ARMH4: variants seen among roughly 807,000 people sequenced by gnomAD.
ARMH4 encodes the protein armadillo-like helical domain-containing protein 4.
ARMH4 carries 49 observed loss-of-function variants against 61.9 expected under a neutral mutation model. The observed-to-expected ratio is 0.79, with a 90% CI of 0.63 to 1.00. The LOEUF (loss-of-function observed/expected upper bound fraction) is 1.00. ARMH4 is among the 50% of genes least tolerant of loss of function. ARMH4 has a pLI of 0.00. For missense variants in ARMH4, 934 were observed against 930.0 expected, an observed-to-expected ratio of 1.00 and a Z score of -0.06; for synonymous variants, 368 against 341.5, an observed-to-expected ratio of 1.08 and a Z score of -0.85.
intron 5 of ARMH4, among the ~76,000 whole-genome samples, chr14:58,089,083 T>A (rs1193370800): frequency 6.6e-6 from 1 of 152,188 alleles, no homozygotes; most frequent in Admixed American, 6.5e-5. Context: ...ATCTGGGGGC[T>A]TTAGCCAATC....
chr14:58,137,237 T>C (rs763223173), intron 2 of ARMH4, among the ~76,000 whole-genome samples: 1 of 152,188 alleles, frequency 6.6e-6, no homozygotes, highest in Non-Finnish European at 1.5e-5. Flanking sequence ...CTACGTAGTC[T>C]AAGATATTTA....
intron 1 of ARMH4, among the ~76,000 whole-genome samples, chr14:58,145,065 T>G (rs1161120061): frequency 6.6e-6 from 1 of 152,200 alleles, no homozygotes; most frequent in Non-Finnish European, 1.5e-5. Flanking sequence ...AAACAAATAC[T>G]TTTTCTATTC....
chr14:58,064,981 T>C (rs1884656085), intron 5 of ARMH4, among the ~76,000 whole-genome samples: 1 of 152,170 alleles, frequency 6.6e-6, no homozygotes, highest in Non-Finnish European at 1.5e-5. Flanking sequence ...TGGTGGTTTA[T>C]GCCTGTAATC....
At chr14:58,077,009 T>C (rs1885068193) in intron 5 of ARMH4, among the ~76,000 whole-genome samples, 1 of 152,154 alleles carries the variant, frequency 6.6e-6, no homozygotes, top group African/African-American at 2.4e-5. Flanking sequence ...TAATCTTGCT[T>C]AGCTTGGCCC....
At chr14:58,122,101 T>C (rs989825746) in intron 4 of ARMH4, among the ~76,000 whole-genome samples, 1 of 152,188 alleles carries the variant, frequency 6.6e-6, no homozygotes, top group African/African-American at 2.4e-5. Flanking sequence ...AAGCCAATAC[T>C]CGTGCCCATT....
intron 5 of ARMH4, among the ~76,000 whole-genome samples, chr14:58,012,537 C>T (rs555683750): frequency 1.6e-3 from 245 of 152,134 alleles, no homozygotes; most frequent in African/African-American, 5.7e-3. Context: ...GGGAATGCTG[C>T]GCTTGAATCA....
intron 4 of ARMH4, among the ~76,000 whole-genome samples, chr14:58,108,648 C>A (rs746398291): frequency 6.6e-6 from 1 of 152,110 alleles, no homozygotes; most frequent in East Asian, 1.9e-4. Flanking sequence ...AGGAAGATTT[C>A]GGGTATTTGG....
intron 5 of ARMH4, among the ~76,000 whole-genome samples, chr14:58,075,681 C>T (rs1466664629): frequency 6.6e-6 from 1 of 152,116 alleles, no homozygotes; most frequent in Non-Finnish European, 1.5e-5. Context: ...CAGCAAACCA[C>T]TATGGCACAT....
At chr14:58,015,555 A>G (rs936241941) in intron 5 of ARMH4, among the ~76,000 whole-genome samples, 3 of 152,224 alleles carry the variant, frequency 2.0e-5, no homozygotes, top group Admixed American at 2.0e-4. Flanking sequence ...CTTTCAGAAA[A>G]TATTTATTTA....
At chr14:58,139,804 ACATT>A (rs1425864003) in intron 1 of ARMH4, among the ~76,000 whole-genome samples, 1 of 152,268 alleles carries the variant, frequency 6.6e-6, no homozygotes, top group Non-Finnish European at 1.5e-5. Context: ...TAAGTCTTAC[ACATT>A]CATTCAAATA....
chr14:58,145,412 A>G (rs1270342174), intron 1 of ARMH4, among the ~76,000 whole-genome samples: 4 of 152,246 alleles, frequency 2.6e-5, no homozygotes, highest in Non-Finnish European at 5.9e-5. Flanking sequence ...GTTGCCATCA[A>G]CTAGGAAAGG....
chr14:58,147,991 T>C (rs1345742231), intron 1 of ARMH4, among the ~76,000 whole-genome samples: 1 of 152,196 alleles, frequency 6.6e-6, no homozygotes, highest in Non-Finnish European at 1.5e-5. Context: ...AACACCATCA[T>C]CAGTCACATA....
intron 5 of ARMH4, among the ~76,000 whole-genome samples, chr14:58,089,887 T>TGAGAC (rs1566574871): frequency 6.6e-6 from 1 of 152,224 alleles, no homozygotes; most frequent in Non-Finnish European, 1.5e-5. Context: ...CTCACATTTA[T>TGAGAC]GAGACCACAC....
rs1594754524 is a variant in ARMH4, at chr14:58,096,920, CTCATCTTCCTCTTCT to C, written c.1878_1892del (p.Glu629_Glu633del). On this transcript the variant is annotated inframe_deletion, in exon 5 of 8. Coordinates refer to ENST00000267485, the MANE Select transcript of ARMH4 (RefSeq NM_001001872.4). Reference sequence around the variant, plus strand: ...CATCTTTATCTTCCTCATCTTCTTCCTCATCTTCCTCTTCTTCATCTTCATCTTCTTCATCCTCTT... The same window carrying C: ...CATCTTTATCTTCCTCATCTTCTTCCTCATCTTCATCTTCTTCATCCTCTT... 1 of 1,614,024 alleles carries C rather than the reference CTCATCTTCCTCTTCT, an allele frequency of 6.2e-7. No homozygotes were observed.
chr14:58,068,181 C>T (rs930152522), intron 5 of ARMH4, among the ~76,000 whole-genome samples: 1 of 152,084 alleles, frequency 6.6e-6, no homozygotes, highest in African/African-American at 2.4e-5. Context: ...AAACTGACTA[C>T]AAAAATCAAC....
At chr14:58,107,508 G>A (rs1886201467) in intron 4 of ARMH4, among the ~76,000 whole-genome samples, 1 of 152,258 alleles carries the variant, frequency 6.6e-6, no homozygotes, top group East Asian at 1.9e-4. Context: ...GCTCACGGCT[G>A]TAATCCCAGC....
chr14:58,007,758 T>C lies in ARMH4; in HGVS notation c.2122-2576A>G, dbSNP rs368593018. 2.2e-4 allele frequency among the ~76,000 whole-genome samples: 33 copies of C among 152,352 alleles called. 1 individual carries two copies. The highest frequency in any genetic ancestry group is 7.9e-4 in the African/African-American group (33 of 41,582). ...TAGTACTTTTTCTCTGTCCAAATTA[T>C]TGCATATACACATGCCCCGAGATGT... is the stretch of plus-strand genomic sequence containing the variant. On this transcript the variant is annotated intron_variant, in intron 6 of 7. Coordinates refer to ENST00000267485, the MANE Select transcript of ARMH4 (RefSeq NM_001001872.4).
At chr14:58,008,076 A>G (rs1179096577) in intron 6 of ARMH4, among the ~76,000 whole-genome samples, 2 of 152,232 alleles carry the variant, frequency 1.3e-5, no homozygotes, top group African/African-American at 4.8e-5. Flanking sequence ...GTTTGTTGAA[A>G]AAACTGAAAT....
intron 5 of ARMH4, among the ~76,000 whole-genome samples, chr14:58,034,087 A>T (rs1334951985): frequency 1.5e-5 from 2 of 130,372 alleles, no homozygotes; most frequent in Admixed American, 1.5e-4. Flanking sequence ...CAGCAACTCC[A>T]AGACACATAA....
Sources: allele counts gnomAD v4.1 joint callset (sites outside exome capture counted in the v4.1 genomes callset), GRCh38; gene constraint gnomAD v4.1.1; transcripts MANE v1.5; gene names NCBI Gene and HGNC (gene_info 2026-07-23, HGNC 2026-07-21).